SERPINI1: variants seen among roughly 807,000 people sequenced by gnomAD.
SERPINI1 encodes the protein serpin family I member 1, also known as neuroserpin.
SERPINI1 carries 19 observed loss-of-function variants against 41.1 expected under a neutral mutation model. That is an observed-to-expected ratio of 0.46 (90% CI 0.32 to 0.68). The LOEUF is 0.68. Ranked by LOEUF, SERPINI1 falls within the 30% of genes least tolerant of loss-of-function variation. The pLI is 0.03. For missense variants in SERPINI1, 460 were observed against 479.2 expected (o/e 0.96, Z 0.37); for synonymous variants, 138 against 156.6 (o/e 0.88, Z 0.89).
At chr3:167,741,775 C>T (rs1057054034) in intron 1 of SERPINI1, among the ~76,000 whole-genome samples, 1 of 152,204 alleles carries the variant, frequency 6.6e-6, no homozygotes, top group East Asian at 1.9e-4. Context: ...AAATTGCTTA[C>T]AGATGTTAAA....
At chr3:167,766,716 G>T (rs1726579750) in intron 1 of SERPINI1, among the ~76,000 whole-genome samples, 1 of 152,236 alleles carries the variant, frequency 6.6e-6, no homozygotes, top group African/African-American at 2.4e-5. Flanking sequence ...CTGATATGGA[G>T]AAAGTTTTAG....
intron 1 of SERPINI1, among the ~76,000 whole-genome samples, chr3:167,783,299 G>A (rs1364273327): frequency 1.3e-5 from 2 of 151,972 alleles, no homozygotes; most frequent in African/African-American, 4.8e-5. Context: ...GAACATGAGG[G>A]AAAAAGAGAT....
At chr3:167,771,115 GTATT>G (rs1338350998) in intron 1 of SERPINI1, among the ~76,000 whole-genome samples, 4 of 152,152 alleles carry the variant, frequency 2.6e-5, no homozygotes, top group African/African-American at 9.7e-5. Context: ...CAATTTGACA[GTATT>G]TATCAAAATT....
chr3:167,797,884 A>G (rs1727767820), intron 5 of SERPINI1, among the ~76,000 whole-genome samples: 1 of 152,132 alleles, frequency 6.6e-6, no homozygotes, highest in Admixed American at 6.6e-5. Flanking sequence ...TAAAACATTT[A>G]GTCTATGTTG....
chr3:167,738,927 C>A (rs1305995992), intron 1 of SERPINI1, among the ~76,000 whole-genome samples: 1 of 151,518 alleles, frequency 6.6e-6, no homozygotes, highest in Non-Finnish European at 1.5e-5. Context: ...ATTATTTGGA[C>A]AAAATATCAA....
intron 1 of SERPINI1, among the ~76,000 whole-genome samples, chr3:167,786,167 C>T (rs914747715): frequency 6.6e-6 from 1 of 152,176 alleles, no homozygotes; most frequent in African/African-American, 2.4e-5. Context: ...ACACTATAAC[C>T]TGCCTTTCCA....
At position 167,769,197 on chromosome 3, in the gene SERPINI1, T is replaced by G. The variant is rs1353273751; in HGVS notation, c.-18-19914T>G. Among the ~76,000 whole-genome samples, 6 of 152,126 alleles carry G rather than the reference T, an allele frequency of 3.9e-5. No homozygotes were observed. The East Asian group carries it at 9.7e-4, about 24-fold the overall frequency. On this transcript the variant is annotated intron_variant, in intron 1 of 8. Transcript: ENST00000446050. ...TTAGTAGAAACGGGGTTTCACCATG[T>G]TGGCCAGGATGGTCTCAATCTCTTG...
intron 1 of SERPINI1, among the ~76,000 whole-genome samples, chr3:167,740,369 A>G (rs972757882): frequency 4.6e-5 from 7 of 152,196 alleles, no homozygotes; most frequent in Non-Finnish European, 7.4e-5. Context: ...CCTTGTGTAG[A>G]GTAAACTTAG....
intron 1 of SERPINI1, among the ~76,000 whole-genome samples, chr3:167,774,855 G>A (rs1726910519): frequency 6.6e-6 from 1 of 152,078 alleles, no homozygotes; most frequent in Non-Finnish European, 1.5e-5. Context: ...CTGTTATAAA[G>A]TACAGCAAGA....
At chr3:167,765,201 C>T (rs1726519933) in intron 1 of SERPINI1, among the ~76,000 whole-genome samples, 1 of 152,234 alleles carries the variant, frequency 6.6e-6, no homozygotes, top group Admixed American at 6.5e-5. Context: ...CATTTCTCTT[C>T]CACATTACCC....
rs139038608 is a variant in SERPINI1 at position 167,809,155 on chromosome 3, A to T, written c.979+1814A>T. Among the ~76,000 whole-genome samples, 453 of 152,256 alleles carry T rather than the reference A, an allele frequency of 3.0e-3. 3 individuals are homozygous for T. Among genetic ancestry groups the T allele is most frequent in the Non-Finnish European group, 4.2e-3 (289 of 68,002 alleles). On this transcript the variant is annotated intron_variant, in intron 6 of 8. Coordinates refer to ENST00000446050, the MANE Select transcript of SERPINI1 (RefSeq NM_001122752.2). Reference sequence around the variant, plus strand: ...GAACTCTTCAATGGGGTTATCAAGAATGTAGGACTGGTAGAGATTCAAAAT... The same window carrying T: ...GAACTCTTCAATGGGGTTATCAAGATTGTAGGACTGGTAGAGATTCAAAAT...
intron 3 of SERPINI1, among the ~76,000 whole-genome samples, chr3:167,792,249 G>T (rs147732101): frequency 4.6e-5 from 7 of 152,240 alleles, no homozygotes; most frequent in Admixed American, 2.0e-4. Flanking sequence ...TATATTGTAT[G>T]TGGTTCTGTA....
chr3:167,799,815 C>T (rs1311193483), intron 5 of SERPINI1, among the ~76,000 whole-genome samples: 2 of 152,102 alleles, frequency 1.3e-5, no homozygotes, highest in Non-Finnish European at 2.9e-5. Context: ...AGCTTTTTTT[C>T]ATATGTTTGT....
intron 1 of SERPINI1, among the ~76,000 whole-genome samples, chr3:167,777,227 T>TA (rs1472752570): frequency 6.6e-6 from 1 of 152,220 alleles, no homozygotes; most frequent in Non-Finnish European, 1.5e-5. Flanking sequence ...ACGTTCTCTC[T>TA]CTACTACTAC....
intron 1 of SERPINI1, among the ~76,000 whole-genome samples, chr3:167,746,009 A>G (rs112092579): frequency 0.016 from 2,373 of 152,282 alleles, 21 homozygotes; most frequent in South Asian, 0.028. Context: ...TGCAGATTTA[A>G]TGAATCAAAA....
intron 1 of SERPINI1, among the ~76,000 whole-genome samples, chr3:167,768,097 T>C (rs1214845205): frequency 6.6e-6 from 1 of 152,138 alleles, no homozygotes; most frequent in Non-Finnish European, 1.5e-5. Context: ...AGAAGAAATA[T>C]TTTGTGAGAG....
At chr3:167,796,479 C>T (rs1362384706) in intron 5 of SERPINI1, among the ~76,000 whole-genome samples, 2 of 151,970 alleles carry the variant, frequency 1.3e-5, no homozygotes, top group African/African-American at 2.4e-5. Flanking sequence ...GCCTTGCATG[C>T]GTTAGCTATT....
chr3:167,769,858 C>G (rs560835200), intron 1 of SERPINI1, among the ~76,000 whole-genome samples: 1 of 151,592 alleles, frequency 6.6e-6, no homozygotes, highest in Admixed American at 6.6e-5. Flanking sequence ...GCCTGTTTTT[C>G]TATAGAATTT....
chr3:167,765,307 T>C (rs2108542299), intron 1 of SERPINI1, among the ~76,000 whole-genome samples: 1 of 152,326 alleles, frequency 6.6e-6, no homozygotes, highest in Middle Eastern at 3.4e-3. Flanking sequence ...AGGTGGAGGT[T>C]CCCAAATCTC....
Sources: gnomAD v4.1 joint callset for allele counts (sites outside exome capture counted in the v4.1 genomes callset) on GRCh38, gnomAD v4.1.1 for gene constraint, MANE v1.5 for transcripts, NCBI Gene and HGNC (gene_info 2026-07-23, HGNC 2026-07-21) for gene names.